Variants in TMEM269 observed in about 807,000 individuals in gnomAD.
The protein encoded by TMEM269 is transmembrane protein 269.
TMEM269 carries 12 observed loss-of-function variants against 15.8 expected under a neutral mutation model. That is an observed-to-expected ratio of 0.76 (90% confidence interval 0.49 to 1.23). TMEM269 has a LOEUF of 1.23. Among genes scored for constraint, TMEM269 ranks in the 50% most tolerant of loss-of-function variants. TMEM269 has a pLI of 0.00. For missense variants in TMEM269, 211 were observed against 245.4 expected (o/e 0.86, Z 0.94); for synonymous variants, 93 against 99.3 (o/e 0.94, Z 0.38).
Position 42,797,879 on chromosome 1 carries a change from C to G in TMEM269, c.485-219C>G. 1.5e-6 allele frequency: 1 copy of G among 675,492 alleles called. No homozygotes were observed. Among genetic ancestry groups the G allele is most frequent in the Non-Finnish European group, 2.8e-6 (1 of 359,498 alleles). 41.8% of individuals were successfully genotyped at this position (675,492 alleles called of 1,614,324 possible). A position where few individuals can be genotyped will look rare whatever the true frequency, so the allele number is the denominator to read the frequency against. Reference sequence around the variant, plus strand: ...TGGAACTTCTGATGTGAATTTGACACAGTGGAACCTGAGACTGCATTGGGC... The same window carrying G: ...TGGAACTTCTGATGTGAATTTGACAGAGTGGAACCTGAGACTGCATTGGGC... On this transcript the variant is annotated intron_variant, in intron 5 of 5. Coordinates refer to ENST00000637012, the MANE Select transcript of TMEM269 (RefSeq NM_001354602.2). The surrounding 1 kb of genome is among the most constrained non-coding windows in gnomAD (Gnocchi z 4.9).
intron 5 of TMEM269, chr1:42,796,465 C>T (rs1015941250): frequency 6.6e-6 from 1 of 152,164 alleles, no homozygotes; most frequent in African/African-American, 2.4e-5. Context: ...GACTGAGGTC[C>T]CTTCTACCCC....
Position 42,798,401 on chromosome 1 carries a change from T to C in TMEM269, c.*176T>C. 1 of 758,638 alleles carries C rather than the reference T, an allele frequency of 1.3e-6. No homozygotes were observed. The highest frequency in any genetic ancestry group is 2.7e-5 in the East Asian group (1 of 36,768). The allele number at this position is 758,638 out of a possible 1,614,324, so 47.0% of individuals were successfully genotyped here. A position where few individuals can be genotyped will look rare whatever the true frequency, so the allele number is the denominator to read the frequency against. On this transcript the variant is annotated 3_prime_UTR_variant, in exon 6 of 6. Transcript: ENST00000637012. ...GCAGGGTCAGTGAACTTCACTTCTT[T>C]GTCTTTATTCAGGGTTCTGACTCCC...
At chr1:42,796,886 T>G (rs1471487131) in intron 5 of TMEM269, 3 of 152,158 alleles carry the variant, frequency 2.0e-5, no homozygotes. Context: ...ATGGTGATCA[T>G]TCCCATGGAA....
At chr1:42,785,331 T>G (rs903684563) in intron 1 of TMEM269, among the ~76,000 whole-genome samples, 3 of 152,008 alleles carry the variant, frequency 2.0e-5, no homozygotes, top group Admixed American at 6.5e-5. Context: ...ATGAGCGGCG[T>G]CGTCGCCGTG....
At chr1:42,794,355 C>G in intron 4 of TMEM269, 58 bp from the exon 5 acceptor site, 1 of 1,353,328 alleles carries the variant, frequency 7.4e-7, no homozygotes, top group South Asian at 1.3e-5. Context: ...GGGCTTGCTT[C>G]ATTTTGGTAT....
rs1312236478 is a variant in TMEM269, at chr1:42,793,629, C to T, written c.168C>T (p.Phe56=). ...CCGAGCTGAATGACTTTGCCGTCTT[C>T]ACCACCTTCGGCTTGGCCTCCGCTC... ...LGAELNDFAV[F]TTFGLASALL... The change falls in exon 4 of 6, where the codon TTC becomes TTT. Residue 56 remains phenylalanine, a synonymous_variant. Transcript: ENST00000637012. The T allele has an allele frequency of 1.9e-6, 3 of 1,550,398 alleles. No homozygotes were observed. Among genetic ancestry groups the T allele is most frequent in the East Asian group, 2.4e-5 (1 of 40,906 alleles).
Position 42,793,638 on chromosome 1 carries a change from C to G in TMEM269, c.177C>G (p.Phe59Leu), listed in dbSNP as rs532526708. 2.9e-5 allele frequency: 45 copies of G among 1,550,482 alleles called. No homozygotes were observed. The African/African-American group carries it at 6.2e-4, about 21-fold the overall frequency. The change falls in exon 4 of 6, where the codon TTC (phenylalanine) becomes TTG (leucine). Residue 59 changes from phenylalanine (F) to leucine (L), a missense_variant. Physicochemically the swap from Phe to Leu is conservative, Grantham distance 22. Coordinates refer to ENST00000637012, the MANE Select transcript of TMEM269 (RefSeq NM_001354602.2). ...ATGACTTTGCCGTCTTCACCACCTTCGGCTTGGCCTCCGCTCTGCTCCTAG... is the reference window on the plus strand; with the variant it reads ...ATGACTTTGCCGTCTTCACCACCTTGGGCTTGGCCTCCGCTCTGCTCCTAG... ...ELNDFAVFTTFGLASALLLGV... is the reference protein window; with the variant it reads ...ELNDFAVFTTLGLASALLLGV...
intron 2 of TMEM269, among the ~76,000 whole-genome samples, chr1:42,792,071 T>G (rs2124217261): frequency 6.6e-6 from 1 of 151,870 alleles, no homozygotes; most frequent in African/African-American, 2.4e-5. Context: ...GAAAAATGGA[T>G]GAAACCAAAA....
chr1:42,796,537 AC>A (rs1017360215), intron 5 of TMEM269: 1 of 107,816 alleles, frequency 9.3e-6, no homozygotes, highest in African/African-American at 3.8e-5. Context: ...TATATGAAAT[AC>A]TTTTTTTTTT....
Position 42,798,863 on chromosome 1 carries a change from CCTCCCGCGTAGCTGGGACTACAGG to C in TMEM269, c.*646_*669del, listed in dbSNP as rs1653839727. 1.3e-5 allele frequency: 2 copies of C among 151,456 alleles called. No homozygotes were observed. The highest frequency in any genetic ancestry group is 1.9e-4 in the East Asian group (1 of 5,152). 9.4% of individuals were successfully genotyped at this position (151,456 alleles called of 1,614,324 possible). A position where few individuals can be genotyped will look rare whatever the true frequency, so the allele number is the denominator to read the frequency against. On this transcript the variant is annotated 3_prime_UTR_variant, in exon 6 of 6. Coordinates refer to ENST00000637012, the MANE Select transcript of TMEM269 (RefSeq NM_001354602.2). ...GATTCACGCCATTCTCCTGCCTCAG[CCTCCCGCGTAGCTGGGACTACAGG>C]CTCCCGCCACCTCGCCCGGCTAATT...
intron 2 of TMEM269, among the ~76,000 whole-genome samples, chr1:42,792,236 A>G (rs1224897579): frequency 6.6e-6 from 1 of 152,240 alleles, no homozygotes; most frequent in Non-Finnish European, 1.5e-5. Context: ...AAGGAATGCT[A>G]TGAACAACTC....
chr1:42,791,937 G>C (rs1040857246), intron 2 of TMEM269, among the ~76,000 whole-genome samples: 3 of 152,184 alleles, frequency 2.0e-5, no homozygotes, highest in African/African-American at 7.2e-5. Context: ...GGGAGGCGGA[G>C]GTTGCAGTGA....
intron 4 of TMEM269, 25 bp downstream of exon 4, chr1:42,793,769 G>T: frequency 1.3e-6 from 2 of 1,547,586 alleles, no homozygotes; most frequent in South Asian, 1.2e-5. Context: ...GGTTGCCTTA[G>T]AACAGAGGGC....
At chr1:42,795,267 T>G (rs1424727596) in intron 5 of TMEM269, among the ~76,000 whole-genome samples, 2 of 152,070 alleles carry the variant, frequency 1.3e-5, no homozygotes, top group Non-Finnish European at 2.9e-5. Flanking sequence ...GCTGGACACA[T>G]TAGTGGAGCA....
intron 1 of TMEM269, among the ~76,000 whole-genome samples, chr1:42,787,521 A>T (rs1468418181): frequency 6.9e-6 from 1 of 145,236 alleles, no homozygotes; most frequent in Non-Finnish European, 1.5e-5. Context: ...AATGGCGTGA[A>T]CCCGGGAAGC....
chr1:42,785,730 A>G (rs1340895832), intron 1 of TMEM269, among the ~76,000 whole-genome samples: 2 of 152,144 alleles, frequency 1.3e-5, no homozygotes, highest in Non-Finnish European at 2.9e-5. Context: ...CCATCTCCTC[A>G]TCGTGCTTCC....
Position 42,798,529 on chromosome 1 carries a change from C to G in TMEM269, c.*304C>G. 2.9e-6 allele frequency: 1 copy of G among 341,824 alleles called. No individual in the cohort carries two copies. Among genetic ancestry groups the G allele is most frequent in the Non-Finnish European group, 5.6e-6 (1 of 180,110 alleles). The allele number at this position is 341,824 out of a possible 1,614,324, so 21.2% of individuals were successfully genotyped here. ...TCCAGCTCCATTACCAGCCGGGTGA[C>G]TGTGTGCTACTAAGGTCCATCCCTT... On this transcript the variant is annotated 3_prime_UTR_variant, in exon 6 of 6. Coordinates refer to ENST00000637012, the MANE Select transcript of TMEM269 (RefSeq NM_001354602.2).
chr1:42,792,971 A>G (rs1364956821), intron 3 of TMEM269, 69 bp downstream of exon 3: 1 of 1,188,216 alleles, frequency 8.4e-7, no homozygotes, highest in African/African-American at 1.5e-5. Context: ...CCCTTCGTCC[A>G]TCCTCTAACA....
rs1235041197 is a variant in TMEM269, at chr1:42,793,421, G to A, written c.140-180G>A. Among the ~76,000 whole-genome samples, 3 of 152,178 alleles carry A rather than the reference G, an allele frequency of 2.0e-5. No homozygotes were observed. The South Asian group carries it at 6.2e-4, about 32-fold the overall frequency. On this transcript the variant is annotated intron_variant, in intron 3 of 5. Transcript: ENST00000637012. Reference sequence around the variant, plus strand: ...TACTTGCCCAAGGCCACCGGCCAGCGCAAGGCAGAGCCAGGAGGAGATCCC... The same window carrying A: ...TACTTGCCCAAGGCCACCGGCCAGCACAAGGCAGAGCCAGGAGGAGATCCC...
Sources: allele counts gnomAD v4.1 joint callset (sites outside exome capture counted in the v4.1 genomes callset), GRCh38; gene constraint gnomAD v4.1.1; non-coding constraint Gnocchi (gnomAD v3.1); transcripts MANE v1.5; gene names NCBI Gene and HGNC (gene_info 2026-07-23, HGNC 2026-07-21).